CDYL2: variants seen among roughly 807,000 people sequenced by gnomAD.
CDYL2 encodes the protein chromodomain Y-like protein 2.
CDYL2 carries 23 observed loss-of-function variants against 49.4 expected under a neutral mutation model. The observed-to-expected ratio is 0.47, with a 90% CI of 0.34 to 0.66. The LOEUF (loss-of-function observed/expected upper bound fraction) is 0.66, where lower values mean the gene tolerates loss of function less well. Ranked by LOEUF, CDYL2 falls within the 30% of genes least tolerant of loss-of-function variation. CDYL2 has a pLI of 0.01. For synonymous variants in CDYL2, 360 were observed against 268.8 expected, an observed-to-expected ratio of 1.34 and a Z score of -3.32; for missense variants, 678 against 656.4, an observed-to-expected ratio of 1.03 and a Z score of -0.36.
At chr16:80,709,246 G>C (rs571729998) in intron 1 of CDYL2, among the ~76,000 whole-genome samples, 14 of 152,208 alleles carry the variant, frequency 9.2e-5, no homozygotes, top group African/African-American at 3.1e-4. Context: ...GCTGGGTGTG[G>C]TGGCGTGCAC....
chr16:80,711,143 G>A (rs1160859886), intron 1 of CDYL2, among the ~76,000 whole-genome samples: 4 of 152,324 alleles, frequency 2.6e-5, no homozygotes, highest in South Asian at 2.1e-4. Flanking sequence ...GTGCTTGCAC[G>A]CAGGCTGTGT....
chr16:80,709,352 A>G (rs1453014803), intron 1 of CDYL2, among the ~76,000 whole-genome samples: 4 of 150,282 alleles, frequency 2.7e-5, no homozygotes, highest in African/African-American at 9.9e-5. Flanking sequence ...ATTGCACTCC[A>G]GCCTAGGCAA....
chr16:80,785,754 C>T (rs188307026), intron 1 of CDYL2, among the ~76,000 whole-genome samples: 5 of 152,126 alleles, frequency 3.3e-5, no homozygotes, highest in African/African-American at 1.2e-4. Context: ...AGTACTGGTA[C>T]CAAAACAGAG....
intron 1 of CDYL2, among the ~76,000 whole-genome samples, chr16:80,717,815 C>T (rs931389094): frequency 6.6e-6 from 1 of 152,112 alleles, no homozygotes; most frequent in Non-Finnish European, 1.5e-5. Context: ...AGGAGGACTC[C>T]CCATCATATG....
At chr16:80,686,639 T>C (rs1436120049) in intron 1 of CDYL2, among the ~76,000 whole-genome samples, 13 of 152,234 alleles carry the variant, frequency 8.5e-5, no homozygotes, top group Non-Finnish European at 1.6e-4. Context: ...AATTTTAGTA[T>C]GTTTAGAATT....
chr16:80,641,556 A>G (rs1298568882), intron 2 of CDYL2, among the ~76,000 whole-genome samples: 2 of 152,138 alleles, frequency 1.3e-5, no homozygotes, highest in East Asian at 3.9e-4. Context: ...ACCGTGGAAT[A>G]CTAAGCAGCC....
intron 2 of CDYL2, among the ~76,000 whole-genome samples, chr16:80,640,053 A>G (rs1908013814): frequency 6.6e-6 from 1 of 152,040 alleles, no homozygotes; most frequent in South Asian, 2.1e-4. Context: ...CAAGGGCTAG[A>G]CCTCCAAGGC....
At chr16:80,768,558 T>C (rs1023392315) in intron 1 of CDYL2, among the ~76,000 whole-genome samples, 7 of 152,248 alleles carry the variant, frequency 4.6e-5, no homozygotes, top group South Asian at 4.1e-4. Context: ...TGTCCTTGCA[T>C]GGCACAAGGC....
At chr16:80,606,260 G>A (rs778898282) in intron 6 of CDYL2, among the ~76,000 whole-genome samples, 21 of 152,358 alleles carry the variant, frequency 1.4e-4, no homozygotes, top group Admixed American at 2.6e-4. Context: ...GCCTTACTCT[G>A]CTGGAGTAGT....
chr16:80,607,479 C>A (rs920314267), intron 6 of CDYL2, among the ~76,000 whole-genome samples: 1 of 152,238 alleles, frequency 6.6e-6, no homozygotes, highest in Non-Finnish European at 1.5e-5. Flanking sequence ...GCTCTGGAAC[C>A]AGCCCTGGGG....
chr16:80,748,178 G>C (rs1175481649), intron 1 of CDYL2, among the ~76,000 whole-genome samples: 1 of 146,400 alleles, frequency 6.8e-6, no homozygotes, highest in Non-Finnish European at 1.5e-5. Context: ...ATAAAGAAAA[G>C]AGCATAGGCT....
intron 1 of CDYL2, among the ~76,000 whole-genome samples, chr16:80,690,947 C>A (rs926562548): frequency 6.6e-6 from 1 of 152,094 alleles, no homozygotes; most frequent in African/African-American, 2.4e-5. Flanking sequence ...GGATTACAAT[C>A]AAAGATTTTG....
chr16:80,623,704 T>C (rs1262594775), intron 3 of CDYL2, among the ~76,000 whole-genome samples: 2 of 152,200 alleles, frequency 1.3e-5, no homozygotes, highest in African/African-American at 2.4e-5. Context: ...ATTTTATGAA[T>C]GACAAAATCA....
At chr16:80,686,355 C>T (rs146657256) in intron 1 of CDYL2, among the ~76,000 whole-genome samples, 5 of 152,282 alleles carry the variant, frequency 3.3e-5, no homozygotes, top group African/African-American at 1.2e-4. Flanking sequence ...GTGGAAAATT[C>T]CCAATGTTGT....
chr16:80,773,361 G>C (rs1366406218), intron 1 of CDYL2, among the ~76,000 whole-genome samples: 1 of 152,030 alleles, frequency 6.6e-6, no homozygotes. Flanking sequence ...AGGAGAAATA[G>C]ACATTTCCAT....
At chr16:80,670,247 C>A (rs1012756870) in intron 2 of CDYL2, among the ~76,000 whole-genome samples, 11 of 151,914 alleles carry the variant, frequency 7.2e-5, no homozygotes, top group African/African-American at 2.4e-4. Context: ...TTTATAATCC[C>A]CACGTGTGGT....
chr16:80,632,149 AAAG>A (rs1337634236), intron 3 of CDYL2, among the ~76,000 whole-genome samples: 1 of 152,250 alleles, frequency 6.6e-6, no homozygotes, highest in African/African-American at 2.4e-5. Context: ...ATAAAAATCA[AAAG>A]TAGAAACAAG....
rs1021362875 is a variant in CDYL2, at chr16:80,657,011, G to A, written c.617-23775C>T. 3.3e-5 allele frequency among the ~76,000 whole-genome samples: 5 copies of A among 152,152 alleles called. No individual in the cohort carries two copies. In the East Asian group the frequency reaches 9.7e-4, roughly 29 times the overall value. The stretch of plus-strand genomic sequence containing the variant: ...TAGGATCTCAGGACCAGGTAGAGGC[G>A]AACACAAAACTATCAGAGAGAGAGA... On this transcript the variant is annotated intron_variant, in intron 2 of 6. Coordinates refer to ENST00000570137, the MANE Select transcript of CDYL2 (RefSeq NM_152342.4).
intron 1 of CDYL2, among the ~76,000 whole-genome samples, chr16:80,711,099 T>A (rs1904579898): frequency 6.6e-6 from 1 of 152,116 alleles, no homozygotes; most frequent in South Asian, 2.1e-4. Context: ...CAATGGAAAG[T>A]AAAGGTTGTG....
Sources: gnomAD v4.1 joint callset for allele counts (sites outside exome capture counted in the v4.1 genomes callset) on GRCh38, gnomAD v4.1.1 for gene constraint, MANE v1.5 for transcripts, NCBI Gene and HGNC (gene_info 2026-07-23, HGNC 2026-07-21) for gene names.